Variants in OR3A2 observed in about 807,000 individuals in gnomAD.
The protein encoded by OR3A2 is olfactory receptor family 3 subfamily A member 2, also known as olfactory receptor 3A2.
For missense variants in OR3A2, 318 were observed against 392.8 expected, an observed-to-expected ratio of 0.81 and a Z score of 1.61; for synonymous variants, 126 against 159.3, an observed-to-expected ratio of 0.79 and a Z score of 1.57.
chr17:3,337,396 G>T (rs576615858), intron 2 of OR3A2, among the ~76,000 whole-genome samples: 3 of 152,190 alleles, frequency 2.0e-5, no homozygotes, highest in African/African-American at 4.8e-5. Context: ...TTTACATTAG[G>T]TATATCTCCT....
intron 2 of OR3A2, among the ~76,000 whole-genome samples, chr17:3,349,099 G>A (rs997689385): frequency 7.2e-5 from 11 of 152,188 alleles, no homozygotes; most frequent in African/African-American, 2.6e-4. Flanking sequence ...AAAGACCATT[G>A]AGACTAGGAA....
At chr17:3,331,882 G>A (rs1306145789) in intron 3 of OR3A2, among the ~76,000 whole-genome samples, 7 of 150,938 alleles carry the variant, frequency 4.6e-5, no homozygotes, top group African/African-American at 1.7e-4. Flanking sequence ...GTGATGTACA[G>A]ATGGGTTTTT....
chr17:3,331,919 G>A (rs1381687947), intron 3 of OR3A2, among the ~76,000 whole-genome samples: 1 of 151,312 alleles, frequency 6.6e-6, no homozygotes, highest in Non-Finnish European at 1.5e-5. Context: ...CTGTTTGTTA[G>A]TTTTCCTTCT....
chr17:3,302,067 C>G (rs967275155), intron 3 of OR3A2, among the ~76,000 whole-genome samples: 14 of 152,100 alleles, frequency 9.2e-5, no homozygotes, highest in Non-Finnish European at 1.5e-5. Flanking sequence ...AGAAGAACTA[C>G]AAACCACTGC....
At chr17:3,279,625 C>G (rs1357563257) in intron 1 of OR3A2, among the ~76,000 whole-genome samples, 1 of 152,154 alleles carries the variant, frequency 6.6e-6, no homozygotes, top group Non-Finnish European at 1.5e-5. Flanking sequence ...GAAACCACAT[C>G]TCTACTACAA....
chr17:3,378,153 G>C (rs1210924611), intron 2 of OR3A2, among the ~76,000 whole-genome samples: 1 of 152,182 alleles, frequency 6.6e-6, no homozygotes, highest in Non-Finnish European at 1.5e-5. Context: ...TTCCCACCTA[G>C]GAACCTGTCT....
chr17:3,310,723 G>A lies in OR3A2; in HGVS notation c.-85+25310C>T, dbSNP rs138571752. The A allele has an allele frequency of 1.2e-3, 670 of 547,328 alleles. 5 individuals carry two copies. The highest frequency in any genetic ancestry group is 1.1e-3 in the Admixed American group (57 of 51,910). The allele number at this position is 547,328 out of a possible 1,614,324, so 33.9% of individuals were successfully genotyped here. A position where few individuals can be genotyped will look rare whatever the true frequency, so the allele number is the denominator to read the frequency against. Reference sequence around the variant, plus strand: ...TGCCAGTCCCTCACCTACAGCAGCCGCATGAGCTGGGGAATCCAGCAAGCC... The same window carrying A: ...TGCCAGTCCCTCACCTACAGCAGCCACATGAGCTGGGGAATCCAGCAAGCC... On this transcript the variant is annotated intron_variant, in intron 3 of 4. Coordinates refer to the OR3A2 transcript ENST00000573491.
intron 2 of OR3A2, among the ~76,000 whole-genome samples, chr17:3,342,758 G>A (rs1327787122): frequency 2.0e-5 from 3 of 152,240 alleles, no homozygotes; most frequent in African/African-American, 4.8e-5. Flanking sequence ...TGACGAGGCA[G>A]TCTGTCCATT....
intron 3 of OR3A2, among the ~76,000 whole-genome samples, chr17:3,296,764 T>C (rs1007834738): frequency 6.6e-6 from 1 of 152,236 alleles, no homozygotes; most frequent in South Asian, 2.1e-4. Context: ...CTAATTACTA[T>C]GGGAAAAAGA....
At chr17:3,320,701 T>C (rs1444294512) in intron 3 of OR3A2, among the ~76,000 whole-genome samples, 4 of 152,034 alleles carry the variant, frequency 2.6e-5, no homozygotes, top group Non-Finnish European at 5.9e-5. Context: ...ATAGGCGGCA[T>C]TATTTCTGAG....
intron 2 of OR3A2, among the ~76,000 whole-genome samples, chr17:3,373,345 C>A (rs1477109886): frequency 6.6e-6 from 1 of 152,158 alleles, no homozygotes; most frequent in African/African-American, 2.4e-5. Flanking sequence ...TCCATTGTTT[C>A]TTTGTTGACT....
chr17:3,304,488 C>A (rs1220281650), intron 3 of OR3A2, among the ~76,000 whole-genome samples: 1 of 152,214 alleles, frequency 6.6e-6, no homozygotes, highest in Admixed American at 6.6e-5. Context: ...GTATTTCTCA[C>A]ACTGCTCTAG....
intron 3 of OR3A2, among the ~76,000 whole-genome samples, chr17:3,324,699 G>C (rs568584638): frequency 6.6e-6 from 1 of 152,132 alleles, no homozygotes; most frequent in South Asian, 2.1e-4. Context: ...AAATGCTGCT[G>C]CCTGATCGTT....
chr17:3,326,788 GT>G (rs963379817), intron 3 of OR3A2, among the ~76,000 whole-genome samples: 2 of 140,340 alleles, frequency 1.4e-5, no homozygotes, highest in Non-Finnish European at 3.0e-5. Context: ...CCACCTATGA[GT>G]GAGAATATGC....
At chr17:3,358,577 T>C (rs1170091503) in intron 2 of OR3A2, among the ~76,000 whole-genome samples, 1 of 151,770 alleles carries the variant, frequency 6.6e-6, no homozygotes, top group Admixed American at 6.6e-5. Context: ...TTCCATGTAA[T>C]TGCATGGTTT....
chr17:3,371,722 C>T (rs560734694), intron 2 of OR3A2, among the ~76,000 whole-genome samples: 30 of 135,000 alleles, frequency 2.2e-4, no homozygotes, highest in Admixed American at 2.9e-4. Flanking sequence ...CCCTCCCGGA[C>T]GGGGCAGCTG....
chr17:3,326,797 T>C (rs2049179303), intron 3 of OR3A2, among the ~76,000 whole-genome samples: 1 of 142,650 alleles, frequency 7.0e-6, no homozygotes, highest in Non-Finnish European at 1.5e-5. Flanking sequence ...AGTGAGAATA[T>C]GCAGTGTTTG....
chr17:3,345,944 G>T (rs2049360675), intron 2 of OR3A2, among the ~76,000 whole-genome samples: 2 of 152,180 alleles, frequency 1.3e-5, no homozygotes, highest in South Asian at 4.1e-4. Flanking sequence ...CCAAAGTGGG[G>T]ATGGGGGAGA....
intron 3 of OR3A2, among the ~76,000 whole-genome samples, chr17:3,301,246 A>G (rs2048963417): frequency 6.6e-6 from 1 of 152,210 alleles, no homozygotes; most frequent in Non-Finnish European, 1.5e-5. Context: ...TTCTGGTTCT[A>G]GTTCCGTGAG....
Sources: allele counts gnomAD v4.1 joint callset (sites outside exome capture counted in the v4.1 genomes callset), GRCh38; gene constraint gnomAD v4.1.1; transcripts MANE v1.5; gene names NCBI Gene and HGNC (gene_info 2026-07-23, HGNC 2026-07-21).